DENND1A: variants seen among roughly 807,000 people sequenced by gnomAD.
DENND1A encodes DENN domain-containing protein 1A.
In DENND1A, 51 loss-of-function variants were observed where a neutral mutation model predicts 113.7. The observed-to-expected ratio is 0.45, with a 90% CI of 0.36 to 0.57. DENND1A has a LOEUF of 0.57. DENND1A is among the 20% of genes least tolerant of loss of function. DENND1A has a pLI of 0.00. For missense variants in DENND1A, 1,258 were observed against 1,395.9 expected, an observed-to-expected ratio of 0.90 and a Z score of 1.57; for synonymous variants, 565 against 570.8, an observed-to-expected ratio of 0.99 and a Z score of 0.14.
chr9:123,507,579 T>C lies in DENND1A; in HGVS notation c.994-49682A>G, dbSNP rs565756712. ...AAGAATTACTTTTTGCTGGGCACAG[T>C]GGCTCACGCCTGTAATCCCAGCACT... is the stretch of plus-strand genomic sequence containing the variant. On this transcript the variant is annotated intron_variant, in intron 13 of 23. Coordinates refer to ENST00000394215, the MANE Select transcript of DENND1A (RefSeq NM_001352964.2). 3.6e-4 allele frequency among the ~76,000 whole-genome samples: 55 copies of C among 151,968 alleles called. No homozygotes were observed. In the Middle Eastern group the frequency reaches 0.01, roughly 28 times the overall value.
intron 21 of DENND1A, chr9:123,401,849 G>T (rs1406834734): frequency 1.9e-6 from 3 of 1,614,218 alleles, no homozygotes; most frequent in African/African-American, 1.3e-5. Flanking sequence ...TCGGGAACTT[G>T]GCCGCAAAAT....
intron 2 of DENND1A, among the ~76,000 whole-genome samples, chr9:123,855,452 G>A (rs948691794): frequency 6.6e-6 from 1 of 152,028 alleles, no homozygotes; most frequent in East Asian, 1.9e-4. Flanking sequence ...AAAGAGTATT[G>A]TACAGAAAAG....
At chr9:123,488,077 C>A (rs1223246662) in intron 13 of DENND1A, among the ~76,000 whole-genome samples, 1 of 152,224 alleles carries the variant, frequency 6.6e-6, no homozygotes, top group Non-Finnish European at 1.5e-5. Flanking sequence ...GCCTCTGCCA[C>A]TAGATGGGAT....
intron 1 of DENND1A, among the ~76,000 whole-genome samples, chr9:123,903,794 G>A (rs1038439204): frequency 6.6e-6 from 1 of 152,188 alleles, no homozygotes; most frequent in East Asian, 1.9e-4. Context: ...GAGGCTGGGG[G>A]AGGGGCGCCC....
intron 2 of DENND1A, among the ~76,000 whole-genome samples, chr9:123,805,372 A>T (rs949382288): frequency 5.3e-5 from 8 of 152,106 alleles, no homozygotes; most frequent in African/African-American, 1.9e-4. Flanking sequence ...ATGGGCCCCA[A>T]GTCTAAATGC....
chr9:123,517,887 C>T (rs1040982966), intron 13 of DENND1A, among the ~76,000 whole-genome samples: 2 of 152,254 alleles, frequency 1.3e-5, no homozygotes, highest in African/African-American at 2.4e-5. Context: ...GAATGCGGAA[C>T]GCCTCTGGGT....
chr9:123,895,701 CAA>C (rs1454414442), intron 1 of DENND1A, among the ~76,000 whole-genome samples: 2 of 151,734 alleles, frequency 1.3e-5, no homozygotes, highest in Admixed American at 1.3e-4. Context: ...ACAGGGTTAC[CAA>C]AACACAAAAA....
chr9:123,403,524 G>C (rs2043676974), intron 20 of DENND1A, 34 bp from the exon 21 acceptor site: 1 of 1,592,344 alleles, frequency 6.3e-7, no homozygotes. Flanking sequence ...CCCCAAGAAG[G>C]AGTGAGTTGG....
At chr9:123,653,628 G>A (rs569207206) in intron 8 of DENND1A, among the ~76,000 whole-genome samples, 1 of 152,306 alleles carries the variant, frequency 6.6e-6, no homozygotes, top group East Asian at 1.9e-4. Context: ...GTAAGTGGAT[G>A]TGACATGATT....
At chr9:123,830,640 G>A (rs561504147) in intron 2 of DENND1A, among the ~76,000 whole-genome samples, 10 of 151,908 alleles carry the variant, frequency 6.6e-5, no homozygotes, top group Middle Eastern at 6.8e-3. Flanking sequence ...CGAGGGGGGC[G>A]GACCACCTGA....
intron 13 of DENND1A, among the ~76,000 whole-genome samples, chr9:123,549,075 A>AT (rs2056883259): frequency 6.6e-6 from 1 of 152,134 alleles, no homozygotes; most frequent in Admixed American, 6.5e-5. Context: ...TGTTATATGT[A>AT]TTTTTTACAT....
chr9:123,706,649 T>C (rs901308308), intron 5 of DENND1A, among the ~76,000 whole-genome samples: 1 of 151,266 alleles, frequency 6.6e-6, no homozygotes, highest in African/African-American at 2.4e-5. Context: ...CGGGCGCCTG[T>C]CGTCCCAGCT....
chr9:123,902,228 G>A (rs78804838), intron 1 of DENND1A, among the ~76,000 whole-genome samples: 5,749 of 150,430 alleles, frequency 0.038, 116 homozygotes, highest in Middle Eastern at 0.048. Flanking sequence ...CGTAGAGACA[G>A]AGAGAGACTA....
chr9:123,615,221 C>A (rs2060593364), intron 10 of DENND1A, among the ~76,000 whole-genome samples: 1 of 152,180 alleles, frequency 6.6e-6, no homozygotes, highest in Non-Finnish European at 1.5e-5. Flanking sequence ...AGATTCTCAC[C>A]ATAGCAGCAT....
chr9:123,923,350 A>C (rs1163822687), intron 1 of DENND1A, among the ~76,000 whole-genome samples: 1 of 152,194 alleles, frequency 6.6e-6, no homozygotes, highest in Non-Finnish European at 1.5e-5. Context: ...CTTGGTCTTC[A>C]AAGAGACTTT....
At chr9:123,829,112 T>TA (rs1396560821) in intron 2 of DENND1A, among the ~76,000 whole-genome samples, 1 of 152,164 alleles carries the variant, frequency 6.6e-6, no homozygotes, top group Non-Finnish European at 1.5e-5. Context: ...CTTCTCCTCC[T>TA]AAAGGTTCAG....
chr9:123,868,360 A>T (rs189654037), intron 2 of DENND1A, among the ~76,000 whole-genome samples: 21 of 152,348 alleles, frequency 1.4e-4, no homozygotes, highest in Non-Finnish European at 2.4e-4. Context: ...CAATTTGATA[A>T]CAGTTGCTGA....
At chr9:123,757,324 G>A (rs891736123) in intron 5 of DENND1A, among the ~76,000 whole-genome samples, 12 of 152,160 alleles carry the variant, frequency 7.9e-5, no homozygotes, top group Non-Finnish European at 1.5e-4. Flanking sequence ...AAGATGTCCT[G>A]AGCTACAGAC....
At chr9:123,732,624 T>G (rs930167368) in intron 5 of DENND1A, among the ~76,000 whole-genome samples, 1 of 152,200 alleles carries the variant, frequency 6.6e-6, no homozygotes, top group Non-Finnish European at 1.5e-5. Context: ...ACTACATATT[T>G]GTCAAAACTC....
Sources: allele counts gnomAD v4.1 joint callset (sites outside exome capture counted in the v4.1 genomes callset), GRCh38; gene constraint gnomAD v4.1.1; transcripts MANE v1.5; gene names NCBI Gene and HGNC (gene_info 2026-07-23, HGNC 2026-07-21).